ECI2: variants seen among roughly 807,000 people sequenced by gnomAD.
ECI2 encodes the protein enoyl-CoA delta isomerase 2, also known as D3,D2-enoyl-CoA isomerase.
Under a neutral mutation model 38.4 loss-of-function variants are expected in ECI2, and 27 were observed. The observed-to-expected ratio is 0.70, with a 90% CI of 0.52 to 0.97. The LOEUF (loss-of-function observed/expected upper bound fraction) is 0.97, where lower values mean the gene tolerates loss of function less well. ECI2 is among the 50% of genes least tolerant of loss of function. ECI2 has a pLI of 0.00. For missense variants in ECI2, 470 were observed against 474.4 expected, an observed-to-expected ratio of 0.99 and a Z score of 0.09; for synonymous variants, 168 against 172.0, an observed-to-expected ratio of 0.98 and a Z score of 0.18.
intron 9 of ECI2, among the ~76,000 whole-genome samples, chr6:4,116,704 A>G (rs1048415056): frequency 3.3e-5 from 5 of 152,242 alleles, no homozygotes; most frequent in Admixed American, 2.0e-4. Context: ...TTGGCCTCCC[A>G]AAGTACTGAG....
Position 4,133,782 on chromosome 6 carries a change from C to T in ECI2, c.51-71G>A, listed in dbSNP as rs1773604743. On this transcript the variant is annotated intron_variant, in intron 1 of 9. Transcript: ENST00000380118. ...TTCTGCAGCCTGATTTCTAATTGTT[C>T]CCAGCCTATACATAACAAAATGCCA... The T allele has an allele frequency of 1.2e-5, 18 of 1,511,504 alleles. No individual in the cohort carries two copies. The South Asian group carries it at 2.3e-4, about 19-fold the overall frequency. The allele number at this position is 1,511,504 out of a possible 1,614,324, so 93.6% of individuals were successfully genotyped here.
chr6:4,131,042 A>C, intron 2 of ECI2, 177 bp from the exon 3 acceptor site: 1 of 515,198 alleles, frequency 1.9e-6, no homozygotes, highest in Non-Finnish European at 3.4e-6. Context: ...AAAAATGCAC[A>C]AACAGAAAAA....
chr6:4,130,233 C>T (rs1217978974), intron 4 of ECI2, 139 bp downstream of exon 4: 2 of 1,613,422 alleles, frequency 1.2e-6, no homozygotes, highest in Non-Finnish European at 1.7e-6. Flanking sequence ...ATGAAGTAGC[C>T]ACAATTACCA....
Position 4,130,481 on chromosome 6 carries a change from C to T in ECI2, c.392G>A (p.Gly131Glu), listed in dbSNP as rs1773447458. 10 of 1,614,086 alleles carry T rather than the reference C, an allele frequency of 6.2e-6. No individual in the cohort carries two copies. The highest frequency in any genetic ancestry group is 1.1e-5 in the South Asian group (1 of 91,092). ...SLESSSQVEP[G>E]TDRKSTGFET... ...AAACCCAGTTGATTTCCTGTCTGTT[C>T]CAGGCTCCACCTGACTAGAGGATTC... Residue 131 changes from glycine (G) to glutamate (E), a missense_variant, in exon 4 of 10, where the codon GGA (glycine) becomes GAA (glutamate). Gly to Glu is a moderately conservative substitution (Grantham distance 98, BLOSUM62 -2). Coordinates refer to ENST00000380118, the MANE Select transcript of ECI2 (RefSeq NM_206836.3).
chr6:4,123,337 C>T (rs1242870289), intron 7 of ECI2, among the ~76,000 whole-genome samples: 1 of 151,538 alleles, frequency 6.6e-6, no homozygotes, highest in East Asian at 1.9e-4. Flanking sequence ...CCACCAAGCC[C>T]GGCTAATTTT....
chr6:4,119,896 A>G (rs1772578493), intron 7 of ECI2, among the ~76,000 whole-genome samples: 2 of 141,220 alleles, frequency 1.4e-5, no homozygotes, highest in South Asian at 2.2e-4. Flanking sequence ...CTGTCCCTAC[A>G]GTTTTGACTT....
At chr6:4,116,444 CT>C (rs11358420) in intron 9 of ECI2, among the ~76,000 whole-genome samples, 144,641 of 145,614 alleles carry the variant, frequency 0.99, 71,837 homozygotes, top group East Asian at 1. Context: ...CCTGTTAAAT[CT>C]TTTTTTTTTT....
At chr6:4,116,416 C>CA in intron 9 of ECI2, among the ~76,000 whole-genome samples, 1 of 146,484 alleles carries the variant, frequency 6.8e-6, no homozygotes, top group African/African-American at 2.5e-5. Flanking sequence ...TTGTTTCTCC[C>CA]ATGTTCATTT....
chr6:4,135,550 G>T lies in ECI2; in HGVS notation c.11C>A (p.Ala4Glu). Residue 4 changes from alanine (A) to glutamate (E), a missense_variant, in exon 1 of 10, where the codon GCG becomes GAG. Ala to Glu is a moderately radical substitution (Grantham distance 107). Transcript: ENST00000380118. MAM[A>E]YLAWRLARRS... ...CCGCGCCAGTCTCCAAGCCAAGTAC[G>T]CCATCGCCATCCCTTGGGCGGCTCT... 2.0e-6 allele frequency: 3 copies of T among 1,505,268 alleles called. No homozygotes were observed. Among genetic ancestry groups the T allele is most frequent in the Non-Finnish European group, 2.7e-6 (3 of 1,115,072 alleles). 93.2% of individuals were successfully genotyped at this position (1,505,268 alleles called of 1,614,324 possible).
intron 7 of ECI2, among the ~76,000 whole-genome samples, chr6:4,120,652 GGGA>G (rs1157370516): frequency 6.6e-6 from 1 of 151,888 alleles, no homozygotes; most frequent in Non-Finnish European, 1.5e-5. Context: ...GCTTGAACCC[GGGA>G]GGAGGAGGCT....
intron 7 of ECI2, among the ~76,000 whole-genome samples, chr6:4,120,137 A>AAAGGCTACTATGAAG (rs1301878472): frequency 4.6e-5 from 7 of 152,236 alleles, no homozygotes; most frequent in African/African-American, 1.7e-4. Context: ...GCAACGTATG[A>AAAGGCTACTATGAAG]AAGGCTACTA....
chr6:4,135,352 G>A, intron 1 of ECI2, 159 bp downstream of exon 1: 2 of 1,487,434 alleles, frequency 1.3e-6, no homozygotes, highest in Non-Finnish European at 1.8e-6. Flanking sequence ...GCGTGAGGTC[G>A]TCACTTTTTA....
intron 7 of ECI2, among the ~76,000 whole-genome samples, chr6:4,122,885 A>G (rs1030380965): frequency 3.9e-5 from 6 of 152,232 alleles, no homozygotes; most frequent in Non-Finnish European, 4.4e-5. Context: ...GCATGTGAAT[A>G]GAGTGCCTAA....
chr6:4,120,356 C>T (rs1318046672), intron 7 of ECI2, among the ~76,000 whole-genome samples: 1 of 152,196 alleles, frequency 6.6e-6, no homozygotes, highest in African/African-American at 2.4e-5. Flanking sequence ...AGGCTACCAA[C>T]TTGGACAGCA....
At chr6:4,135,013 T>C (rs539081150) in intron 1 of ECI2, 14 of 409,176 alleles carry the variant, frequency 3.4e-5, no homozygotes, top group South Asian at 2.1e-4. Flanking sequence ...GCAGCGTGCT[T>C]CTTAGCCGTT....
chr6:4,124,575 A>G lies in ECI2; in HGVS notation c.795+675T>C, dbSNP rs962590224. On this transcript the variant is annotated intron_variant, in intron 7 of 9. Transcript: ENST00000380118. ...AGCAGTCAGGGACTGGTTAAACAAG[A>G]TAAGTTAATAACCCAAACGTTAGGA... Among the ~76,000 whole-genome samples the G allele has an allele frequency of 2.6e-5, 4 of 152,216 alleles. No individual in the cohort carries two copies. In the East Asian group the frequency reaches 7.7e-4, roughly 29 times the overall value.
chr6:4,117,514 C>A lies in ECI2; in HGVS notation c.886-63G>T, dbSNP rs114531537. 138 of 1,579,496 alleles carry A rather than the reference C, an allele frequency of 8.7e-5. No homozygotes were observed. In the African/African-American group the frequency reaches 1.4e-3, roughly 16 times the overall value. ...CTTAATAAAACAAGGCTTCAGTTAA[C>A]TGCTTTCAGGAGGCTTAGAGAGATG... On this transcript the variant is annotated intron_variant, in intron 8 of 9. Coordinates refer to ENST00000380118, the MANE Select transcript of ECI2 (RefSeq NM_206836.3).
chr6:4,127,388 G>T (rs548235185), intron 5 of ECI2, among the ~76,000 whole-genome samples: 33 of 143,858 alleles, frequency 2.3e-4, no homozygotes, highest in African/African-American at 8.6e-4. Context: ...GACAGTACTG[G>T]AAAAGATCTT....
intron 8 of ECI2, 122 bp from the exon 9 acceptor site, chr6:4,117,573 CAGTA>C (rs1772366239): frequency 7.3e-7 from 1 of 1,363,882 alleles, no homozygotes; most frequent in Non-Finnish European, 9.8e-7. Context: ...TGGTATTTCT[CAGTA>C]AGGGAGAAGC....
Sources: allele counts gnomAD v4.1 joint callset (sites outside exome capture counted in the v4.1 genomes callset), GRCh38; gene constraint gnomAD v4.1.1; transcripts MANE v1.5; gene names NCBI Gene and HGNC (gene_info 2026-07-23, HGNC 2026-07-21).